GRIP1: variants seen among roughly 807,000 people sequenced by gnomAD.
GRIP1 encodes the protein glutamate receptor interacting protein 1.
In GRIP1, 45 loss-of-function variants were observed where a neutral mutation model predicts 129.9. That is an observed-to-expected ratio of 0.35 (90% CI 0.27 to 0.44). GRIP1 has a LOEUF of 0.44. GRIP1 is among the 20% of genes least tolerant of loss of function. The pLI is 1.00. For missense variants in GRIP1, 1,196 were observed against 1,396.8 expected (o/e 0.86, Z 2.29); for synonymous variants, 530 against 520.8 (o/e 1.02, Z -0.24).
At chr12:66,607,734 T>C (rs2064601570) in intron 1 of GRIP1, among the ~76,000 whole-genome samples, 1 of 151,854 alleles carries the variant, frequency 6.6e-6, no homozygotes, top group Non-Finnish European at 1.5e-5. Context: ...GACTCAGGAG[T>C]AGCTCATGCA....
chr12:66,578,956 T>C lies in GRIP1; in HGVS notation c.136+17891A>G, dbSNP rs548975146. 2.0e-5 allele frequency among the ~76,000 whole-genome samples: 3 copies of C among 152,260 alleles called. No individual in the cohort carries two copies. In the East Asian group the frequency reaches 5.8e-4, roughly 29 times the overall value. On this transcript the variant is annotated intron_variant, in intron 2 of 24. Transcript: ENST00000359742. ...ATCTGAGAACGGGCAGACTGCCTCCTCAAGTGGGTCCCTGACCCCTGACCC... is the reference window on the plus strand; with the variant it reads ...ATCTGAGAACGGGCAGACTGCCTCCCCAAGTGGGTCCCTGACCCCTGACCC...
At chr12:66,455,701 C>T in intron 10 of GRIP1, 137 bp from the exon 11 acceptor site, 1 of 758,898 alleles carries the variant, frequency 1.3e-6, no homozygotes, top group Non-Finnish European at 2.3e-6. Flanking sequence ...CAGCTAGAGG[C>T]CAGCTCTCAG....
At chr12:66,951,506 G>C (rs1199045887) in intron 1 of GRIP1, among the ~76,000 whole-genome samples, 1 of 152,162 alleles carries the variant, frequency 6.6e-6, no homozygotes, top group African/African-American at 2.4e-5. Context: ...GGGTCAGTGG[G>C]AGCCAGACCG....
chr12:66,743,054 C>T (rs912726336), intron 1 of GRIP1, among the ~76,000 whole-genome samples: 1 of 152,044 alleles, frequency 6.6e-6, no homozygotes, highest in Non-Finnish European at 1.5e-5. Flanking sequence ...AAACAAGCAG[C>T]CGTCCAAAAC....
chr12:66,581,553 T>TA (rs956082379), intron 2 of GRIP1, among the ~76,000 whole-genome samples: 5 of 146,998 alleles, frequency 3.4e-5, no homozygotes, highest in Non-Finnish European at 7.6e-5. Flanking sequence ...ATAGATGCAA[T>TA]AAAAAATGAT....
chr12:66,611,523 A>G (rs1321229546), intron 1 of GRIP1, among the ~76,000 whole-genome samples: 3 of 152,178 alleles, frequency 2.0e-5, no homozygotes, highest in African/African-American at 4.8e-5. Flanking sequence ...ATACTTGTGC[A>G]TAATTAAGAT....
In GRIP1 at chr12:66,723,304, C is replaced by CT. The variant is rs57938064; in HGVS notation, c.-420+80748dup. 1.6e-3 allele frequency among the ~76,000 whole-genome samples: 92 copies of CT among 58,392 alleles called. 3 individuals carry two copies. The highest frequency in any genetic ancestry group is 7.8e-3 in the East Asian group (13 of 1,666). 38.3% of individuals were successfully genotyped at this position (58,392 alleles called of 152,430 possible). A position where few individuals can be genotyped will look rare whatever the true frequency, so the allele number is the denominator to read the frequency against. On this transcript the variant is annotated intron_variant, in intron 1 of 4. Coordinates refer to the GRIP1 transcript ENST00000538373. ...CCTTCCTTTCTTTCTTTCTTTCTTT[C>CT]TTTTTTTTTTTTTTTTTTTTTTTTT...
At chr12:67,012,149 T>A (rs775282351) in intron 1 of GRIP1, among the ~76,000 whole-genome samples, 8 of 152,178 alleles carry the variant, frequency 5.3e-5, no homozygotes, top group Non-Finnish European at 1.0e-4. Context: ...ATTTGTTCCA[T>A]ATATCTCTGT....
intron 8 of GRIP1, among the ~76,000 whole-genome samples, chr12:66,464,244 G>T (rs1365529764): frequency 6.6e-6 from 1 of 152,170 alleles, no homozygotes; most frequent in East Asian, 1.9e-4. Flanking sequence ...TTTAGCTATG[G>T]GAGATGAGGT....
At chr12:66,892,480 C>A (rs181771563) in intron 1 of GRIP1, among the ~76,000 whole-genome samples, 231 of 152,216 alleles carry the variant, frequency 1.5e-3, no homozygotes, top group Middle Eastern at 0.01. Flanking sequence ...CCAATGAGAG[C>A]AAGTTACATA....
intron 1 of GRIP1, among the ~76,000 whole-genome samples, chr12:66,766,484 T>C (rs2037642211): frequency 6.6e-6 from 1 of 152,216 alleles, no homozygotes; most frequent in South Asian, 2.1e-4. Flanking sequence ...GTCACATGAC[T>C]ATGTCCCCCA....
At chr12:66,444,765 A>G in intron 12 of GRIP1, 36 bp from the exon 13 acceptor site, 2 of 1,608,600 alleles carry the variant, frequency 1.2e-6, no homozygotes, top group Non-Finnish European at 1.7e-6. Flanking sequence ...TTGTAGATGG[A>G]GTAAATAATT....
At chr12:66,565,653 T>A (rs1317878296) in intron 2 of GRIP1, among the ~76,000 whole-genome samples, 2 of 152,224 alleles carry the variant, frequency 1.3e-5, no homozygotes, top group Admixed American at 1.3e-4. Context: ...TTTTTCCAAT[T>A]CTGTGAAGAA....
chr12:67,012,440 T>C (rs943252682), intron 1 of GRIP1, among the ~76,000 whole-genome samples: 2 of 152,162 alleles, frequency 1.3e-5, no homozygotes, highest in East Asian at 1.9e-4. Context: ...AACTTTTGCA[T>C]TGTTAGGAGG....
At chr12:66,525,229 A>G (rs2061182358) in intron 5 of GRIP1, among the ~76,000 whole-genome samples, 1 of 152,212 alleles carries the variant, frequency 6.6e-6, no homozygotes, top group Middle Eastern at 3.2e-3. Flanking sequence ...CACAACCAAA[A>G]AAGAGAATTT....
chr12:66,913,797 G>A (rs945514436), intron 1 of GRIP1, among the ~76,000 whole-genome samples: 1 of 152,004 alleles, frequency 6.6e-6, no homozygotes. Context: ...TCTAACTTAA[G>A]ATAAATGAAA....
chr12:66,734,038 G>A (rs1204839931), intron 1 of GRIP1, among the ~76,000 whole-genome samples: 2 of 152,100 alleles, frequency 1.3e-5, no homozygotes, highest in Non-Finnish European at 2.9e-5. Flanking sequence ...AGGAAATGTG[G>A]GGCCCACACA....
At chr12:66,930,184 C>T (rs1025396908) in intron 1 of GRIP1, among the ~76,000 whole-genome samples, 1 of 149,406 alleles carries the variant, frequency 6.7e-6, no homozygotes, top group Admixed American at 6.7e-5. Flanking sequence ...TATACATGTG[C>T]CATGCTGGTG....
intron 1 of GRIP1, among the ~76,000 whole-genome samples, chr12:66,972,114 CT>C (rs1460663542): frequency 6.6e-6 from 1 of 152,152 alleles, no homozygotes; most frequent in African/African-American, 2.4e-5. Flanking sequence ...AGTTGTGGGT[CT>C]TTGGGCAAAA....
Sources: allele counts gnomAD v4.1 joint callset (sites outside exome capture counted in the v4.1 genomes callset), GRCh38; gene constraint gnomAD v4.1.1; transcripts MANE v1.5; gene names NCBI Gene and HGNC (gene_info 2026-07-23, HGNC 2026-07-21).